The following FRMD4B variants were observed in gnomAD, a reference collection of about 807,000 sequenced individuals.
The protein encoded by FRMD4B is FERM domain-containing protein 4B.
In FRMD4B, 74 loss-of-function variants were observed where a neutral mutation model predicts 141.5. The ratio of observed to expected loss-of-function variants is 0.52; its 90% CI spans 0.43 to 0.63. FRMD4B has a LOEUF of 0.63. FRMD4B is among the 30% of genes least tolerant of loss of function. FRMD4B has a pLI of 0.00. For synonymous variants in FRMD4B, 506 were observed against 467.9 expected (o/e 1.08, Z -1.05); for missense variants, 1,366 against 1,253.4 (o/e 1.09, Z -1.36).
At chr3:69,231,076 G>A (rs1343724246) in intron 7 of FRMD4B, among the ~76,000 whole-genome samples, 2 of 152,232 alleles carry the variant, frequency 1.3e-5, no homozygotes, top group Non-Finnish European at 2.9e-5. Flanking sequence ...TAAGGTTGGG[G>A]CTGGTTACTT....
intron 3 of FRMD4B, among the ~76,000 whole-genome samples, chr3:69,308,438 CTT>C (rs112662917): frequency 7.0e-6 from 1 of 142,248 alleles, no homozygotes. Context: ...ATCACACTGG[CTT>C]TTTTTTTTTT....
chr3:69,238,096 T>G (rs6789671), intron 7 of FRMD4B, among the ~76,000 whole-genome samples: 133,754 of 152,186 alleles, frequency 0.88, 59,956 homozygotes, highest in Non-Finnish European at 0.96. Context: ...TAGGATGCAT[T>G]TTACTTACAC....
exon 1 of FRMD4B, chr3:69,542,445 C>A: frequency 6.5e-6 from 1 of 153,576 alleles, no homozygotes; most frequent in South Asian, 2.1e-4. Flanking sequence ...CAGCCAGCGC[C>A]TGCCGCATCC....
intron 6 of FRMD4B, 135 bp from the exon 7 acceptor site, chr3:69,249,383 T>C: frequency 1.7e-6 from 1 of 596,788 alleles, no homozygotes; most frequent in Non-Finnish European, 3.0e-6. Context: ...ATGCTCTCCC[T>C]ATAGGCATAA....
In FRMD4B at chr3:69,311,125, G is replaced by A. The variant is rs139864118; in HGVS notation, c.323+138C>T. ...TTGCCATAATCCTAGGAGAAAAATC[G>A]CATATTAAAAAACCTTTAGCTAAGC... is the stretch of plus-strand genomic sequence containing the variant. On this transcript the variant is annotated intron_variant, in intron 3 of 22. Transcript: ENST00000398540. 3.4e-3 allele frequency: 1,682 copies of A among 488,746 alleles called. 27 individuals carry two copies. The highest frequency in any genetic ancestry group is 0.029 in the African/African-American group (1,503 of 51,760). 30.3% of individuals were successfully genotyped at this position (488,746 alleles called of 1,614,324 possible).
At chr3:69,449,235 T>G (rs1192786174) in intron 1 of FRMD4B, among the ~76,000 whole-genome samples, 1 of 152,210 alleles carries the variant, frequency 6.6e-6, no homozygotes, top group Non-Finnish European at 1.5e-5. Flanking sequence ...CCACTAAGTT[T>G]AGACTAGATA....
chr3:69,204,932 G>A (rs1410765177), intron 11 of FRMD4B, among the ~76,000 whole-genome samples: 5 of 151,872 alleles, frequency 3.3e-5, no homozygotes, highest in African/African-American at 7.3e-5. Context: ...GTCACACAGC[G>A]AAATAGGGGC....
At chr3:69,429,465 A>T (rs1239475053) in intron 2 of FRMD4B, among the ~76,000 whole-genome samples, 2 of 152,200 alleles carry the variant, frequency 1.3e-5, no homozygotes, top group Non-Finnish European at 2.9e-5. Flanking sequence ...GGTGACGAGC[A>T]TGGTTATTTA....
chr3:69,311,372 A>G lies in FRMD4B; in HGVS notation c.229-15T>C. On this transcript the variant is annotated splice_polypyrimidine_tract_variant and intron_variant, in intron 2 of 22. Coordinates refer to ENST00000398540, the MANE Select transcript of FRMD4B (RefSeq NM_015123.3). ...AGAAGTTTGGGCTGTCAAAATAAAA[A>G]TCTGGTTAGAAGCAATTTGGTTGCC... 2 of 1,462,934 alleles carry G rather than the reference A, an allele frequency of 1.4e-6. No individual in the cohort carries two copies. Among genetic ancestry groups the G allele is most frequent in the Non-Finnish European group, 1.9e-6 (2 of 1,045,688 alleles). The allele number at this position is 1,462,934 out of a possible 1,614,324, so 90.6% of individuals were successfully genotyped here.
rs571983398 is a variant in FRMD4B at position 69,256,120 on chromosome 3, G to T, written c.502-6021C>A. On this transcript the variant is annotated intron_variant, in intron 5 of 22. Coordinates refer to ENST00000398540, the MANE Select transcript of FRMD4B (RefSeq NM_015123.3). ...TTAAAAAAAATAAAAGGTTGGGGGG[G>T]AGGGACTATTTGGATGCTGTCTAGG... Among the ~76,000 whole-genome samples, 209 of 152,072 alleles carry T rather than the reference G, an allele frequency of 1.4e-3. 4 individuals are homozygous for T. The South Asian group carries it at 0.024, about 18-fold the overall frequency.
rs143274235 is a variant in FRMD4B, at chr3:69,400,797, G to C, written c.-1+31837C>G. ...CTCCTAAGTGGCTTAGTTCTCTAAAGCCCCTTTCAAGAGTGCTTTGGGGCA... is the reference window on the plus strand; with the variant it reads ...CTCCTAAGTGGCTTAGTTCTCTAAACCCCCTTTCAAGAGTGCTTTGGGGCA... On this transcript the variant is annotated intron_variant, in intron 2 of 5. Coordinates refer to the FRMD4B transcript ENST00000459638. 4.7e-3 allele frequency among the ~76,000 whole-genome samples: 711 copies of C among 152,276 alleles called. 9 individuals carry two copies. The highest frequency in any genetic ancestry group is 0.012 in the African/African-American group (496 of 41,550).
intron 11 of FRMD4B, among the ~76,000 whole-genome samples, chr3:69,206,040 C>T (rs2093021577): frequency 6.6e-6 from 1 of 152,106 alleles, no homozygotes; most frequent in African/African-American, 2.4e-5. Flanking sequence ...CAAATATGAT[C>T]TCAACCTTAC....
intron 7 of FRMD4B, among the ~76,000 whole-genome samples, chr3:69,239,594 T>G (rs1043564289): frequency 1.3e-5 from 2 of 152,118 alleles, no homozygotes; most frequent in Admixed American, 6.6e-5. Flanking sequence ...AACATGAAAA[T>G]CTACAAATAT....
intron 1 of FRMD4B, chr3:69,471,970 C>T (rs1705899901): frequency 6.5e-6 from 1 of 152,792 alleles, no homozygotes; most frequent in Non-Finnish European, 1.4e-5. Context: ...TCTACTTTCT[C>T]CCCTCACTGG....
intron 20 of FRMD4B, 47 bp from the exon 21 acceptor site, chr3:69,181,757 G>A (rs1436291089): frequency 8.4e-7 from 1 of 1,185,166 alleles, no homozygotes. Flanking sequence ...AAGAAAAGGA[G>A]GACCCAAATA....
chr3:69,386,067 G>A lies in FRMD4B; in HGVS notation c.-78C>T. The A allele has an allele frequency of 2.3e-6, 3 of 1,277,926 alleles. No homozygotes were observed. Among genetic ancestry groups the A allele is most frequent in the Middle Eastern group, 4.3e-4 (2 of 4,646 alleles). The allele number at this position is 1,277,926 out of a possible 1,614,324, so 79.2% of individuals were successfully genotyped here. A position where few individuals can be genotyped will look rare whatever the true frequency, so the allele number is the denominator to read the frequency against. ...CGACCCCAGCGGCCTGCCCGCCTGG[G>A]CTCCCGACGCCGGCTTCTGCTGGCA... is the stretch of plus-strand genomic sequence containing the variant. On this transcript the variant is annotated 5_prime_UTR_variant, in exon 1 of 23. Coordinates refer to ENST00000398540, the MANE Select transcript of FRMD4B (RefSeq NM_015123.3).
At chr3:69,534,116 A>AC in intron 1 of FRMD4B, among the ~76,000 whole-genome samples, 1 of 152,318 alleles carries the variant, frequency 6.6e-6, no homozygotes, top group African/African-American at 2.4e-5. Flanking sequence ...GTTTGTGTGC[A>AC]CCAAGTTCAG....
chr3:69,224,917 A>G (rs1313697623), intron 7 of FRMD4B, among the ~76,000 whole-genome samples: 4 of 152,178 alleles, frequency 2.6e-5, no homozygotes, highest in Non-Finnish European at 4.4e-5. Context: ...TTTTACACGT[A>G]ACTATGATTA....
intron 1 of FRMD4B, among the ~76,000 whole-genome samples, chr3:69,465,267 C>G (rs1420010449): frequency 1.3e-5 from 2 of 151,190 alleles, no homozygotes; most frequent in African/African-American, 4.9e-5. Context: ...TTGCAGTGAG[C>G]CGAGATTGCA....
Sources: allele counts gnomAD v4.1 joint callset (sites outside exome capture counted in the v4.1 genomes callset), GRCh38; gene constraint gnomAD v4.1.1; transcripts MANE v1.5; gene names NCBI Gene and HGNC (gene_info 2026-07-23, HGNC 2026-07-21).